CSMD1: variants seen among roughly 807,000 people sequenced by gnomAD.
CSMD1 encodes CUB and Sushi multiple domains 1.
CSMD1 carries 213 observed loss-of-function variants against 417.5 expected under a neutral mutation model. The ratio of observed to expected loss-of-function variants is 0.51; its 90% CI spans 0.46 to 0.57. The LOEUF is 0.57. Among genes scored for constraint, CSMD1 ranks in the 20% least tolerant of loss-of-function variants. The pLI is 0.00. For missense variants in CSMD1, 6,923 were observed against 4,529.7 expected (o/e 1.53, Z -15.17); for synonymous variants, 2,862 against 1,736.8 (o/e 1.65, Z -16.11).
chr8:4,089,541 C>T (rs1210390915), intron 3 of CSMD1, among the ~76,000 whole-genome samples: 2 of 152,080 alleles, frequency 1.3e-5, no homozygotes, highest in Non-Finnish European at 2.9e-5. Context: ...TCTGATTTAA[C>T]ACAATTTGGA....
chr8:3,576,384 A>G (rs1334097326), intron 9 of CSMD1, among the ~76,000 whole-genome samples: 3 of 151,924 alleles, frequency 2.0e-5, no homozygotes, highest in Admixed American at 6.6e-5. Context: ...CTAAATGGTT[A>G]TGCATTCCCT....
At chr8:4,646,652 G>T (rs192009141) in intron 1 of CSMD1, among the ~76,000 whole-genome samples, 30 of 152,090 alleles carry the variant, frequency 2.0e-4, no homozygotes, top group Non-Finnish European at 3.5e-4. Context: ...AGATTTCTGC[G>T]TCAACAAGGC....
At chr8:4,259,466 G>A (rs1480459315) in intron 3 of CSMD1, among the ~76,000 whole-genome samples, 4 of 151,862 alleles carry the variant, frequency 2.6e-5, no homozygotes, top group African/African-American at 7.3e-5. Context: ...TAAGCTTTAG[G>A]CTTAAAAATT....
chr8:3,291,494 C>T (rs770142836), intron 25 of CSMD1, among the ~76,000 whole-genome samples: 1 of 152,166 alleles, frequency 6.6e-6, no homozygotes, highest in African/African-American at 2.4e-5. Flanking sequence ...ATTATTGCCT[C>T]AATTTCAGAC....
intron 1 of CSMD1, among the ~76,000 whole-genome samples, chr8:4,858,392 G>A (rs7813835): frequency 0.015 from 2,278 of 149,656 alleles, 68 homozygotes; most frequent in African/African-American, 0.054. Flanking sequence ...CCTATTCAAC[G>A]TAGTGTTGGA....
At chr8:3,969,092 A>G (rs1382583288) in intron 5 of CSMD1, among the ~76,000 whole-genome samples, 2 of 152,132 alleles carry the variant, frequency 1.3e-5, no homozygotes, top group African/African-American at 4.8e-5. Flanking sequence ...CTCTACTAAA[A>G]ATACAAAAAT....
At chr8:4,349,656 G>C (rs764173860) in intron 3 of CSMD1, among the ~76,000 whole-genome samples, 19 of 152,032 alleles carry the variant, frequency 1.2e-4, no homozygotes, top group Non-Finnish European at 2.4e-4. Flanking sequence ...ATAATATTTG[G>C]CTAAATGGTA....
intron 4 of CSMD1, among the ~76,000 whole-genome samples, chr8:4,028,348 G>T (rs1016114358): frequency 6.6e-6 from 1 of 152,068 alleles, no homozygotes; most frequent in Non-Finnish European, 1.5e-5. Context: ...TACTTATGAA[G>T]ATTAAATTTG....
chr8:4,460,708 G>A (rs958858920), intron 2 of CSMD1, among the ~76,000 whole-genome samples: 1 of 152,074 alleles, frequency 6.6e-6, no homozygotes, highest in African/African-American at 2.4e-5. Context: ...CAAACTGGAT[G>A]ACTACAAAAA....
intron 49 of CSMD1, among the ~76,000 whole-genome samples, chr8:3,085,444 T>C (rs980694933): frequency 1.3e-5 from 2 of 152,168 alleles, no homozygotes; most frequent in African/African-American, 2.4e-5. Flanking sequence ...TGAAGGAAGG[T>C]AGTCTAACTC....
Position 4,211,223 on chromosome 8 carries a change from A to G in CSMD1, c.416-179124T>C, listed in dbSNP as rs554939900. Among the ~76,000 whole-genome samples the G allele has an allele frequency of 8.9e-4, 135 of 151,844 alleles. 1 individual carries two copies. Among genetic ancestry groups the G allele is most frequent in the African/African-American group, 3.0e-3 (123 of 41,452 alleles). ...ATTTGCCTTTTTTTTTTTAGCTGGC[A>G]TAAATTAAGCACCTCAGATAGGGGG... On this transcript the variant is annotated intron_variant, in intron 3 of 69. Coordinates refer to ENST00000635120, the MANE Select transcript of CSMD1 (RefSeq NM_033225.6).
chr8:4,274,719 T>C (rs1563372022), intron 3 of CSMD1, among the ~76,000 whole-genome samples: 1 of 152,176 alleles, frequency 6.6e-6, no homozygotes, highest in Non-Finnish European at 1.5e-5. Context: ...ACATAATACA[T>C]AGCATTTCTT....
At chr8:4,326,677 G>C (rs1440727919) in intron 3 of CSMD1, among the ~76,000 whole-genome samples, 1 of 152,152 alleles carries the variant, frequency 6.6e-6, no homozygotes, top group East Asian at 1.9e-4. Context: ...CAAAGGAAAA[G>C]GTCTGGACTC....
chr8:3,642,063 T>C lies in CSMD1; in HGVS notation c.1010-25266A>G, dbSNP rs1797334198. ...TGATCACCTGGAACTTCTACTTCGA[T>C]GGATACACTGAGGGCAAAGGATACA... is the stretch of plus-strand genomic sequence containing the variant. On this transcript the variant is annotated intron_variant, in intron 7 of 69. Coordinates refer to ENST00000635120, the MANE Select transcript of CSMD1 (RefSeq NM_033225.6). Among the ~76,000 whole-genome samples, 4 of 152,018 alleles carry C rather than the reference T, an allele frequency of 2.6e-5. No homozygotes were observed. The South Asian group carries it at 8.3e-4, about 31-fold the overall frequency.
chr8:4,662,463 C>T (rs1804665226), intron 1 of CSMD1, among the ~76,000 whole-genome samples: 1 of 152,100 alleles, frequency 6.6e-6, no homozygotes, highest in South Asian at 2.1e-4. Flanking sequence ...TTATTTTCTC[C>T]AGTGAAGCAC....
At chr8:3,102,675 C>A (rs543847900) in intron 46 of CSMD1, among the ~76,000 whole-genome samples, 1 of 152,312 alleles carries the variant, frequency 6.6e-6, no homozygotes, top group African/African-American at 2.4e-5. Context: ...GCCTCCATAA[C>A]AACTGTTTCC....
chr8:3,600,684 C>G (rs753252479), intron 8 of CSMD1, among the ~76,000 whole-genome samples: 2 of 152,080 alleles, frequency 1.3e-5, no homozygotes, highest in Non-Finnish European at 2.9e-5. Context: ...TGGTCTAAAG[C>G]GAAAGTCTGC....
intron 1 of CSMD1, among the ~76,000 whole-genome samples, chr8:4,704,020 G>C (rs1250956097): frequency 6.6e-6 from 1 of 152,180 alleles, no homozygotes; most frequent in Non-Finnish European, 1.5e-5. Context: ...GCCGATGTGA[G>C]ACGAGGCGGA....
At chr8:3,662,946 G>A (rs929592467) in intron 7 of CSMD1, among the ~76,000 whole-genome samples, 2 of 152,116 alleles carry the variant, frequency 1.3e-5, no homozygotes, top group African/African-American at 4.8e-5. Context: ...CATGGCACAT[G>A]TGTTCCTATG....
Sources: allele counts gnomAD v4.1 joint callset (sites outside exome capture counted in the v4.1 genomes callset), GRCh38; gene constraint gnomAD v4.1.1; transcripts MANE v1.5; gene names NCBI Gene and HGNC (gene_info 2026-07-23, HGNC 2026-07-21).